CSMD1: variants seen among roughly 807,000 people sequenced by gnomAD.
CSMD1 encodes the protein CUB and sushi domain-containing protein 1.
Under a neutral mutation model 417.5 loss-of-function variants are expected in CSMD1, and 213 were observed. The ratio of observed to expected loss-of-function variants is 0.51; its 90% CI spans 0.46 to 0.57. CSMD1 has a LOEUF of 0.57. CSMD1 is among the 20% of genes least tolerant of loss of function. The pLI is 0.00. For missense variants in CSMD1, 6,923 were observed against 4,529.7 expected, an observed-to-expected ratio of 1.53 and a Z score of -15.17; for synonymous variants, 2,862 against 1,736.8, an observed-to-expected ratio of 1.65 and a Z score of -16.11.
intron 3 of CSMD1, among the ~76,000 whole-genome samples, chr8:4,277,042 G>A (rs1476505694): frequency 1.3e-5 from 2 of 152,084 alleles, no homozygotes; most frequent in Non-Finnish European, 2.9e-5. Flanking sequence ...TTACCAGGAT[G>A]CCATCAGACT....
At chr8:4,666,124 T>A (rs911293012) in intron 1 of CSMD1, among the ~76,000 whole-genome samples, 1 of 152,118 alleles carries the variant, frequency 6.6e-6, no homozygotes, top group African/African-American at 2.4e-5. Context: ...GCGCTGAGCA[T>A]CTTCTGATGT....
At chr8:4,466,765 T>C (rs1481141378) in intron 2 of CSMD1, among the ~76,000 whole-genome samples, 4 of 151,664 alleles carry the variant, frequency 2.6e-5, no homozygotes, top group Admixed American at 1.3e-4. Flanking sequence ...TATCAAATTA[T>C]AATATGAGAA....
intron 12 of CSMD1, among the ~76,000 whole-genome samples, chr8:3,432,384 G>C (rs567753970): frequency 5.3e-4 from 81 of 152,214 alleles, no homozygotes; most frequent in African/African-American, 1.9e-3. Flanking sequence ...TACCACGACA[G>C]TTCCTGCTTA....
At chr8:3,065,940 A>T (rs1423343161) in intron 49 of CSMD1, among the ~76,000 whole-genome samples, 2 of 152,192 alleles carry the variant, frequency 1.3e-5, no homozygotes, top group Non-Finnish European at 2.9e-5. Flanking sequence ...CCACTAAGCC[A>T]GCCAGAGTCT....
chr8:4,210,314 A>C (rs1361161257), intron 3 of CSMD1, among the ~76,000 whole-genome samples: 2 of 152,200 alleles, frequency 1.3e-5, no homozygotes, highest in African/African-American at 4.8e-5. Flanking sequence ...ATTCCATGTC[A>C]AGTGTGGGAT....
At chr8:3,522,695 G>A (rs986659936) in intron 10 of CSMD1, among the ~76,000 whole-genome samples, 12 of 152,022 alleles carry the variant, frequency 7.9e-5, no homozygotes, top group African/African-American at 2.4e-4. Context: ...CAGTCGTCCC[G>A]GTACATTCAC....
intron 7 of CSMD1, among the ~76,000 whole-genome samples, chr8:3,679,361 C>CA (rs1799536334): frequency 1.3e-5 from 2 of 151,680 alleles, no homozygotes; most frequent in South Asian, 4.2e-4. Flanking sequence ...AAATGGAAAA[C>CA]AAAAAAAGGC....
intron 3 of CSMD1, among the ~76,000 whole-genome samples, chr8:4,139,918 G>T (rs1803679493): frequency 6.6e-6 from 1 of 151,006 alleles, no homozygotes; most frequent in African/African-American, 2.5e-5. Flanking sequence ...CTCATCTTCA[G>T]AGGATGGATA....
intron 2 of CSMD1, among the ~76,000 whole-genome samples, chr8:4,627,150 G>T (rs981571548): frequency 2.6e-5 from 4 of 152,048 alleles, no homozygotes; most frequent in Non-Finnish European, 5.9e-5. Context: ...AATATTATGC[G>T]ATGAAAACTC....
rs1254554583 is a variant in CSMD1 at position 4,496,323 on chromosome 8, C to T, written c.303-76258G>A. ...ACAATGGTTCAGGATCAAAGGACTC[C>T]TTAGGTTCTGCTCAGACTGCCTCCA... On this transcript the variant is annotated intron_variant, in intron 2 of 69. Transcript: ENST00000635120. Among the ~76,000 whole-genome samples, 3 of 152,260 alleles carry T rather than the reference C, an allele frequency of 2.0e-5. No individual in the cohort carries two copies. The East Asian group carries it at 5.8e-4, about 29-fold the overall frequency.
intron 7 of CSMD1, among the ~76,000 whole-genome samples, chr8:3,637,473 G>T (rs989679920): frequency 6.6e-6 from 1 of 152,118 alleles, no homozygotes; most frequent in African/African-American, 2.4e-5. Flanking sequence ...ACCTACCATA[G>T]CTTCAGAATT....
chr8:4,237,377 G>A (rs571115979), intron 3 of CSMD1, among the ~76,000 whole-genome samples: 5 of 152,026 alleles, frequency 3.3e-5, no homozygotes, highest in African/African-American at 4.8e-5. Context: ...CTCAGTTTCC[G>A]TTTATATAAA....
At chr8:3,786,221 A>C (rs1799449991) in intron 5 of CSMD1, among the ~76,000 whole-genome samples, 1 of 152,132 alleles carries the variant, frequency 6.6e-6, no homozygotes, top group Non-Finnish European at 1.5e-5. Flanking sequence ...CGTTGGGATC[A>C]AGGTGTCGCT....
intron 7 of CSMD1, among the ~76,000 whole-genome samples, 186 bp from the exon 8 acceptor site, chr8:3,616,983 T>G (rs199769314): frequency 5.1e-5 from 3 of 59,202 alleles, no homozygotes; most frequent in Non-Finnish European, 8.5e-5. Flanking sequence ...AAATCAAACA[T>G]GTGTTTTCCA....
rs1797170036 is a variant in CSMD1, at chr8:3,513,642, T to C, written c.1345-19916A>G. On this transcript the variant is annotated intron_variant, in intron 10 of 69. Coordinates refer to ENST00000635120, the MANE Select transcript of CSMD1 (RefSeq NM_033225.6). Reference sequence around the variant, plus strand: ...AAGACTTACTGCTCTGCCACCATCATCTAAGACAGTCTACCAGCCAATATG... The same window carrying C: ...AAGACTTACTGCTCTGCCACCATCACCTAAGACAGTCTACCAGCCAATATG... Among the ~76,000 whole-genome samples the C allele has an allele frequency of 2.6e-5, 4 of 152,192 alleles. 1 individual carries two copies. The highest frequency in any genetic ancestry group is 2.6e-4 in the Admixed American group (4 of 15,282).
intron 10 of CSMD1, among the ~76,000 whole-genome samples, chr8:3,507,937 G>T (rs4509356): frequency 0.5 from 76,087 of 151,918 alleles, 19,257 homozygotes; most frequent in Middle Eastern, 0.58. Context: ...GTTGCAAAAA[G>T]TTTCTCCCAT....
At chr8:4,400,629 G>T (rs553367474) in intron 3 of CSMD1, among the ~76,000 whole-genome samples, 2 of 152,312 alleles carry the variant, frequency 1.3e-5, no homozygotes, top group East Asian at 1.9e-4. Context: ...AGACTGACCT[G>T]CAATCTTGAA....
intron 5 of CSMD1, among the ~76,000 whole-genome samples, chr8:3,843,007 A>G (rs1803234993): frequency 6.6e-6 from 1 of 152,178 alleles, no homozygotes; most frequent in South Asian, 2.1e-4. Flanking sequence ...TTCTAAAGCA[A>G]CCCTGAAAAG....
At chr8:3,284,627 T>C (rs969907605) in intron 25 of CSMD1, 13 of 396,788 alleles carry the variant, frequency 3.3e-5, no homozygotes, top group Non-Finnish European at 6.1e-5. Flanking sequence ...AGGATTGCTT[T>C]TGAGACTTCC....
Sources: allele counts gnomAD v4.1 joint callset (sites outside exome capture counted in the v4.1 genomes callset), GRCh38; gene constraint gnomAD v4.1.1; transcripts MANE v1.5; gene names NCBI Gene and HGNC (gene_info 2026-07-23, HGNC 2026-07-21).